The following BTBD9 variants were observed in gnomAD, a reference collection of about 807,000 sequenced individuals.
BTBD9 encodes BTB/POZ domain-containing protein 9.
A neutral mutation model predicts 64.3 loss-of-function variants in BTBD9; 49 were observed. The ratio of observed to expected loss-of-function variants is 0.76; its 90% CI spans 0.61 to 0.97. The LOEUF (loss-of-function observed/expected upper bound fraction) is 0.97, where lower values mean the gene tolerates loss of function less well. BTBD9 is among the 50% of genes least tolerant of loss of function. The pLI, the probability that BTBD9 is intolerant of heterozygous loss-of-function variation, is 0.00. For synonymous variants in BTBD9, 260 were observed against 274.7 expected (o/e 0.95, Z 0.53); for missense variants, 598 against 762.1 (o/e 0.78, Z 2.53).
chr6:38,339,038 T>G (rs1764004035), intron 7 of BTBD9, among the ~76,000 whole-genome samples: 1 of 152,202 alleles, frequency 6.6e-6, no homozygotes, highest in South Asian at 2.1e-4. Context: ...TTATAATCCC[T>G]GTGAAAGTGA....
At chr6:38,186,968 C>T (rs1761845888) in intron 10 of BTBD9, among the ~76,000 whole-genome samples, 1 of 152,178 alleles carries the variant, frequency 6.6e-6, no homozygotes, top group Admixed American at 6.5e-5. Flanking sequence ...AAGAAACAGG[C>T]GTAGCTTCTG....
At chr6:38,520,085 A>C (rs1413975091) in intron 6 of BTBD9, among the ~76,000 whole-genome samples, 1 of 152,218 alleles carries the variant, frequency 6.6e-6, no homozygotes, top group Non-Finnish European at 1.5e-5. Context: ...ATATGCATAC[A>C]CACATACATA....
At chr6:38,188,410 T>G (rs920949085) in intron 10 of BTBD9, among the ~76,000 whole-genome samples, 2 of 152,188 alleles carry the variant, frequency 1.3e-5, no homozygotes, top group African/African-American at 4.8e-5. Flanking sequence ...CACCAGTCCC[T>G]GCTCTGCCCG....
Position 38,292,811 on chromosome 6 carries a change from T to C in BTBD9, c.1265-4350A>G, listed in dbSNP as rs544533950. ...TTTTTTGAAGGGTTTTTCATGTCTCTATCTCCTTCAGTTCTGCTCTCCTCT... is the reference window on the plus strand; with the variant it reads ...TTTTTTGAAGGGTTTTTCATGTCTCCATCTCCTTCAGTTCTGCTCTCCTCT... On this transcript the variant is annotated intron_variant, in intron 7 of 10. Transcript: ENST00000481247. Among the ~76,000 whole-genome samples, 8 of 152,330 alleles carry C rather than the reference T, an allele frequency of 5.3e-5. 1 individual carries two copies. The South Asian group carries it at 1.7e-3, about 32-fold the overall frequency.
chr6:38,240,457 G>T (rs1287250338), intron 9 of BTBD9, among the ~76,000 whole-genome samples: 3 of 152,164 alleles, frequency 2.0e-5, no homozygotes, highest in Non-Finnish European at 4.4e-5. Flanking sequence ...TCAGACTTTT[G>T]AGTTAACATA....
chr6:38,276,407 G>C (rs1761251908), intron 8 of BTBD9, among the ~76,000 whole-genome samples: 1 of 151,738 alleles, frequency 6.6e-6, no homozygotes, highest in African/African-American at 2.4e-5. Context: ...TAAATGACGA[G>C]TTAATGGGTG....
chr6:38,396,683 T>G (rs2127628484), intron 6 of BTBD9, among the ~76,000 whole-genome samples: 1 of 152,334 alleles, frequency 6.6e-6, no homozygotes, highest in African/African-American at 2.4e-5. Context: ...CAGTAGTCAC[T>G]GCCCACAGTT....
chr6:38,553,116 C>T (rs146293959), intron 6 of BTBD9, among the ~76,000 whole-genome samples: 2 of 152,258 alleles, frequency 1.3e-5, no homozygotes, highest in Non-Finnish European at 2.9e-5. Flanking sequence ...TATTGTTTTT[C>T]ATATTTGTTT....
chr6:38,244,404 T>C (rs1582104545), intron 9 of BTBD9, among the ~76,000 whole-genome samples: 1 of 152,272 alleles, frequency 6.6e-6, no homozygotes, highest in South Asian at 2.1e-4. Flanking sequence ...GAACAGACTC[T>C]TTCCTGCTGG....
intron 6 of BTBD9, among the ~76,000 whole-genome samples, chr6:38,412,616 T>C (rs758827852): frequency 6.6e-6 from 1 of 151,072 alleles, no homozygotes; most frequent in African/African-American, 2.4e-5. Flanking sequence ...ACCAGCACTT[T>C]GGGAGGCTAA....
intron 9 of BTBD9, among the ~76,000 whole-genome samples, chr6:38,251,738 C>T (rs921308816): frequency 6.6e-6 from 1 of 151,688 alleles, no homozygotes; most frequent in Non-Finnish European, 1.5e-5. Flanking sequence ...TAAAAATACA[C>T]AAAATTAGCC....
rs572788088 is a variant in BTBD9 at position 38,588,114 on chromosome 6, C to T, written c.814+4462G>A. The T allele has an allele frequency of 5.9e-5, 44 of 739,678 alleles. 1 individual carries two copies. The South Asian group carries it at 6.1e-4, about 10-fold the overall frequency. The allele number at this position is 739,678 out of a possible 1,614,324, so 45.8% of individuals were successfully genotyped here. A position where few individuals can be genotyped will look rare whatever the true frequency, so the allele number is the denominator to read the frequency against. On this transcript the variant is annotated intron_variant, in intron 4 of 10. Transcript: ENST00000481247. ...AGCTATGGTGCACCGTGTCTGCGGG[C>T]TCTACCTCAGCAGCCTCAACAGTAT...
intron 6 of BTBD9, among the ~76,000 whole-genome samples, chr6:38,543,658 C>T (rs1452714963): frequency 6.6e-6 from 1 of 152,132 alleles, no homozygotes; most frequent in East Asian, 1.9e-4. Flanking sequence ...TGAGATCAAA[C>T]AACCAAAAAA....
At chr6:38,431,310 C>T (rs573839788) in intron 6 of BTBD9, among the ~76,000 whole-genome samples, 1 of 150,454 alleles carries the variant, frequency 6.6e-6, no homozygotes, top group African/African-American at 2.5e-5. Flanking sequence ...GTAGCAGCAA[C>T]AATAGCTAAC....
At chr6:38,560,734 C>T (rs1562340708) in intron 6 of BTBD9, among the ~76,000 whole-genome samples, 2 of 152,254 alleles carry the variant, frequency 1.3e-5, no homozygotes, top group South Asian at 4.1e-4. Flanking sequence ...CCTCCTTCCA[C>T]CCTCCCCGCT....
At chr6:38,510,832 G>A (rs184847340) in intron 6 of BTBD9, among the ~76,000 whole-genome samples, 4 of 152,170 alleles carry the variant, frequency 2.6e-5, no homozygotes, top group African/African-American at 9.6e-5. Context: ...AGGCCTCCAG[G>A]GGCAGAAACG....
chr6:38,627,892 A>G (rs1249316379), intron 1 of BTBD9, among the ~76,000 whole-genome samples: 1 of 152,154 alleles, frequency 6.6e-6, no homozygotes, highest in East Asian at 1.9e-4. Flanking sequence ...ACTAAAAAGG[A>G]TCAATAATAA....
chr6:38,539,648 A>C (rs760628561), intron 6 of BTBD9, among the ~76,000 whole-genome samples: 2 of 152,234 alleles, frequency 1.3e-5, no homozygotes, highest in Non-Finnish European at 2.9e-5. Flanking sequence ...CATTTTTCTC[A>C]GAATAATATG....
At chr6:38,520,902 G>T (rs1228326630) in intron 6 of BTBD9, among the ~76,000 whole-genome samples, 1 of 152,082 alleles carries the variant, frequency 6.6e-6, no homozygotes, top group Non-Finnish European at 1.5e-5. Flanking sequence ...AGCTATAATT[G>T]TGTCACTGCA....
Sources: allele counts gnomAD v4.1 joint callset (sites outside exome capture counted in the v4.1 genomes callset), GRCh38; gene constraint gnomAD v4.1.1; transcripts MANE v1.5; gene names NCBI Gene and HGNC (gene_info 2026-07-23, HGNC 2026-07-21).